The following DLGAP2 variants were observed in gnomAD, a reference collection of about 807,000 sequenced individuals.
DLGAP2 encodes disks large-associated protein 2.
A neutral mutation model predicts 100.3 loss-of-function variants in DLGAP2; 26 were observed. That is an observed-to-expected ratio of 0.26 (90% CI 0.19 to 0.36). DLGAP2 has a LOEUF of 0.36. Among genes scored for constraint, DLGAP2 ranks in the 10% least tolerant of loss-of-function variants. DLGAP2 has a pLI of 1.00. For synonymous variants in DLGAP2, 886 were observed against 630.1 expected, an observed-to-expected ratio of 1.41 and a Z score of -6.08; for missense variants, 1,858 against 1,453.2, an observed-to-expected ratio of 1.28 and a Z score of -4.53.
At chr8:1,691,221 C>T (rs2130876622) in intron 12 of DLGAP2, among the ~76,000 whole-genome samples, 1 of 152,334 alleles carries the variant, frequency 6.6e-6, no homozygotes, top group Admixed American at 6.5e-5. Context: ...CTCATCCAAA[C>T]AGCAGCACTG....
chr8:1,312,951 G>T (rs1433850597), intron 3 of DLGAP2, among the ~76,000 whole-genome samples: 1 of 152,222 alleles, frequency 6.6e-6, no homozygotes, highest in Non-Finnish European at 1.5e-5. Context: ...GGTATGGCCT[G>T]ATCTCAAAGA....
chr8:950,150 C>A (rs535743214), intron 2 of DLGAP2, among the ~76,000 whole-genome samples: 2 of 152,236 alleles, frequency 1.3e-5, no homozygotes, highest in East Asian at 3.9e-4. Context: ...ACGGGAGAGT[C>A]CAAAACAGTG....
intron 2 of DLGAP2, among the ~76,000 whole-genome samples, chr8:1,203,546 A>G (rs1415352833): frequency 6.6e-6 from 1 of 152,166 alleles, no homozygotes; most frequent in Non-Finnish European, 1.5e-5. Flanking sequence ...AACAGATGCT[A>G]AAGGTTCTCT....
intron 2 of DLGAP2, among the ~76,000 whole-genome samples, chr8:1,094,982 G>T (rs1482105138): frequency 6.6e-6 from 1 of 152,180 alleles, no homozygotes; most frequent in Non-Finnish European, 1.5e-5. Context: ...GCACTTCCAG[G>T]TCTCAGCAGC....
chr8:1,468,022 T>G (rs1185946984), intron 3 of DLGAP2, among the ~76,000 whole-genome samples: 1 of 152,260 alleles, frequency 6.6e-6, no homozygotes, highest in African/African-American at 2.4e-5. Flanking sequence ...AGAGAATCTT[T>G]GTGCTGCAAA....
At chr8:857,600 A>T (rs1797303453) in intron 1 of DLGAP2, among the ~76,000 whole-genome samples, 1 of 152,196 alleles carries the variant, frequency 6.6e-6, no homozygotes, top group Non-Finnish European at 1.5e-5. Context: ...GTCATCAGGG[A>T]AATGAAAAAT....
At chr8:746,003 G>A (rs1313937215) in intron 1 of DLGAP2, among the ~76,000 whole-genome samples, 1 of 152,204 alleles carries the variant, frequency 6.6e-6, no homozygotes, top group Non-Finnish European at 1.5e-5. Context: ...GGCCAGCCAA[G>A]GTCATCCCCT....
chr8:1,503,770 G>A (rs1799806514), intron 4 of DLGAP2, among the ~76,000 whole-genome samples: 1 of 152,170 alleles, frequency 6.6e-6, no homozygotes, highest in South Asian at 2.1e-4. Context: ...TTGTAAGAAT[G>A]AGAAGGGTCA....
At chr8:1,304,361 C>T (rs975551012) in intron 3 of DLGAP2, among the ~76,000 whole-genome samples, 1 of 152,224 alleles carries the variant, frequency 6.6e-6, no homozygotes, top group African/African-American at 2.4e-5. Context: ...GCCTTTGAAC[C>T]TGGTGGAACG....
In DLGAP2 at chr8:1,565,729, A is replaced by G. The variant is rs1802371386; in HGVS notation, c.1277A>G (p.Glu426Gly). 3 of 1,613,660 alleles carry G rather than the reference A, an allele frequency of 1.9e-6. No individual in the cohort carries two copies. The highest frequency in any genetic ancestry group is 2.5e-6 in the Non-Finnish European group (3 of 1,179,780). The change falls in exon 6 of 15, where the codon GAG (glutamate) becomes GGG (glycine). Residue 426 changes from glutamate to glycine, a missense_variant. Glu to Gly is a moderately conservative substitution (Grantham distance 98, BLOSUM62 -2). Coordinates refer to ENST00000637795, the MANE Select transcript of DLGAP2 (RefSeq NM_001346810.2). ...WGGYPTGGKD[E>G]EIPCRRMRSG... is the part of the protein sequence containing the mutation. ...GGGTACCCCACCGGTGGCAAAGATG[A>G]GGAGATTCCCTGCAGGAGAATGAGA...
At chr8:998,208 ACATG>A (rs1180019945) in intron 2 of DLGAP2, among the ~76,000 whole-genome samples, 3 of 152,192 alleles carry the variant, frequency 2.0e-5, no homozygotes, top group East Asian at 1.9e-4. Flanking sequence ...ACACACATAC[ACATG>A]CATGCATGCA....
intron 1 of DLGAP2, among the ~76,000 whole-genome samples, chr8:808,365 G>A (rs1472597847): frequency 6.6e-6 from 1 of 152,208 alleles, no homozygotes; most frequent in Non-Finnish European, 1.5e-5. Flanking sequence ...GTGGTGTGGG[G>A]CCCTTATTTC....
intron 1 of DLGAP2, among the ~76,000 whole-genome samples, chr8:803,481 T>G (rs928232832): frequency 2.0e-5 from 3 of 152,094 alleles, no homozygotes; most frequent in African/African-American, 7.2e-5. Context: ...GCTGCTCCTG[T>G]CCATGGGGAA....
chr8:1,061,909 G>T (rs1041294648), intron 2 of DLGAP2, among the ~76,000 whole-genome samples: 18 of 152,012 alleles, frequency 1.2e-4, no homozygotes, highest in Non-Finnish European at 2.5e-4. Context: ...CTCTTATAAA[G>T]ACCCATGTCG....
intron 6 of DLGAP2, among the ~76,000 whole-genome samples, chr8:1,599,404 G>C (rs1455928498): frequency 6.6e-6 from 1 of 152,150 alleles, no homozygotes; most frequent in Non-Finnish European, 1.5e-5. Flanking sequence ...CTGAATTGAA[G>C]TCCTGAATAT....
At chr8:821,960 A>G (rs1367351313) in intron 1 of DLGAP2, 8 of 393,410 alleles carry the variant, frequency 2.0e-5, no homozygotes, top group Non-Finnish European at 3.6e-5. Flanking sequence ...TCTTCTTGCC[A>G]TATTGCTCTT....
intron 3 of DLGAP2, among the ~76,000 whole-genome samples, chr8:1,332,327 G>A (rs536055091): frequency 2.0e-5 from 3 of 151,832 alleles, no homozygotes; most frequent in South Asian, 2.1e-4. Flanking sequence ...TGTATGCGAG[G>A]GTATATGCAT....
chr8:772,069 T>C (rs1311439942), intron 1 of DLGAP2, among the ~76,000 whole-genome samples: 2 of 151,920 alleles, frequency 1.3e-5, no homozygotes, highest in Non-Finnish European at 2.9e-5. Context: ...GCCTGGCTAA[T>C]TTTCTATTTT....
chr8:1,372,657 G>A (rs1053194458), intron 3 of DLGAP2, among the ~76,000 whole-genome samples: 2 of 152,214 alleles, frequency 1.3e-5, no homozygotes, highest in Non-Finnish European at 2.9e-5. Context: ...TTCAAAGCCA[G>A]TTATCTCAAT....
Sources: allele counts gnomAD v4.1 joint callset (sites outside exome capture counted in the v4.1 genomes callset), GRCh38; gene constraint gnomAD v4.1.1; transcripts MANE v1.5; gene names NCBI Gene and HGNC (gene_info 2026-07-23, HGNC 2026-07-21).